The following CFAP47 variants were observed in gnomAD, a reference collection of about 807,000 sequenced individuals.
CFAP47 encodes cilia- and flagella-associated protein 47.
CFAP47 carries 29 observed loss-of-function variants against 148.1 expected under a neutral mutation model. The observed-to-expected ratio is 0.20, with a 90% confidence interval of 0.15 to 0.27. The LOEUF is 0.27. Among genes scored for constraint, CFAP47 ranks in the 10% least tolerant of loss-of-function variants. The pLI, the probability that CFAP47 is intolerant of heterozygous loss-of-function variation, is 1.00. For synonymous variants in CFAP47, 664 were observed against 577.3 expected, an observed-to-expected ratio of 1.15 and a Z score of -2.15; for missense variants, 1,872 against 1,697.5, an observed-to-expected ratio of 1.10 and a Z score of -1.81.
At chrX:36,375,536 C>T (rs1473048390) in intron 62 of CFAP47, among the ~76,000 whole-genome samples, 1 of 111,942 alleles carries the variant, frequency 8.9e-6, no homozygotes, top group Non-Finnish European at 1.9e-5. Flanking sequence ...CTGTTATGTA[C>T]ATTTATCTAA....
At chrX:36,004,767 G>C (rs1936961543) in intron 21 of CFAP47, among the ~76,000 whole-genome samples, 1 of 110,357 alleles carries the variant, frequency 9.1e-6, no homozygotes, top group Non-Finnish European at 1.9e-5. Context: ...AGAAGCTCTT[G>C]GGGTTGATGG....
chrX:36,165,146 T>TAATTTTCTATTGTATGTGTATATTA (rs1939475164), intron 39 of CFAP47, among the ~76,000 whole-genome samples: 1 of 112,166 alleles, frequency 8.9e-6, no homozygotes, highest in Non-Finnish European at 1.9e-5. Flanking sequence ...TTAGTCAGAA[T>TAATTTTCTATTGTATGTGTATATTA]AATTTTCTAT....
intron 26 of CFAP47, among the ~76,000 whole-genome samples, chrX:36,054,204 C>T (rs984167010): frequency 2.4e-4 from 27 of 112,225 alleles, no homozygotes; most frequent in Non-Finnish European, 3.8e-4. Flanking sequence ...TCATCTTCCT[C>T]AGACCCACCC....
At chrX:36,211,397 T>G in intron 45 of CFAP47, 2 of 245,285 alleles carry the variant, frequency 8.2e-6, no homozygotes, top group South Asian at 1.1e-4. Flanking sequence ...TCAATGCACC[T>G]AAGATGCCTC....
At position 35,953,703 on chromosome X, in the gene CFAP47, C is replaced by G; in HGVS notation, c.1158C>G (p.Asp386Glu). 8.4e-7 allele frequency: 1 copy of G among 1,185,639 alleles called. No homozygotes were observed. Among genetic ancestry groups the G allele is most frequent in the South Asian group, 1.9e-5 (1 of 52,343 alleles). The change falls in exon 7 of 64, where the codon GAC becomes GAG. Residue 386 changes from aspartate (D) to glutamate (E), a missense_variant. Transcript: ENST00000378653. ...AAGATGGATTTTTGAGAGATGATGA[C>G]TATAAAACCATCAAAAGTAAGTGTG... The part of the protein sequence containing the change: ...GSKDGFLRDD[D>E]YKTIKSERFQ...
At chrX:35,984,985 C>T (rs1025095727) in intron 15 of CFAP47, among the ~76,000 whole-genome samples, 3 of 111,241 alleles carry the variant, frequency 2.7e-5, no homozygotes, top group Admixed American at 9.5e-5. Context: ...GTTTAGGACC[C>T]GAATATCTTT....
chrX:36,004,983 A>G (rs1438698132), intron 21 of CFAP47, among the ~76,000 whole-genome samples: 2 of 111,053 alleles, frequency 1.8e-5, no homozygotes, highest in Admixed American at 1.9e-4. Flanking sequence ...AAGTTACCTA[A>G]TTTATTGATA....
chrX:35,990,179 T>G (rs1242501331), intron 16 of CFAP47: 3 of 112,090 alleles, frequency 2.7e-5, no homozygotes, highest in Non-Finnish European at 5.6e-5. Context: ...CTGTTTACTC[T>G]TCTGTTAGTT....
At chrX:35,992,566 A>G (rs1180201851) in intron 17 of CFAP47, among the ~76,000 whole-genome samples, 1 of 111,566 alleles carries the variant, frequency 9.0e-6, no homozygotes, top group Non-Finnish European at 1.9e-5. Context: ...CTTCTTTAGA[A>G]TTAATTCTTA....
At chrX:35,962,208 A>C (rs1483065814) in intron 8 of CFAP47, among the ~76,000 whole-genome samples, 1 of 111,917 alleles carries the variant, frequency 8.9e-6, no homozygotes, top group Non-Finnish European at 1.9e-5. Flanking sequence ...CTTTTAAATT[A>C]TTGAGGCTTA....
chrX:36,096,276 C>T lies in CFAP47; in HGVS notation c.4917-2517C>T, dbSNP rs778847262. Among the ~76,000 whole-genome samples, 7 of 111,455 alleles carry T rather than the reference C, an allele frequency of 6.3e-5. No homozygotes were observed. The South Asian group carries it at 2.6e-3, about 41-fold the overall frequency. ...CTTGTTTTGTGACCTAACATGTGGT[C>T]TGTCCTTCAGAATGATCCATGTGCT... On this transcript the variant is annotated intron_variant, in intron 30 of 63. Coordinates refer to ENST00000378653, the MANE Select transcript of CFAP47 (RefSeq NM_001304548.2).
chrX:35,975,742 A>G lies in CFAP47; in HGVS notation c.2542A>G (p.Thr848Ala). 1.7e-6 allele frequency: 2 copies of G among 1,209,435 alleles called. No individual in the cohort carries two copies. Among genetic ancestry groups the G allele is most frequent in the Non-Finnish European group, 2.2e-6 (2 of 893,387 alleles). ...AGTGGTGGCAGTTGTCCAGCCAGTA[A>G]CACTTGAGCTATCTTCTAATGAGCT... is the stretch of plus-strand genomic sequence containing the variant. ...ILVVAVVQPV[T>A]LELSSNELVL... The change falls in exon 15 of 64, where the codon ACA (threonine) becomes GCA (alanine). Residue 848 changes from threonine (T) to alanine (A), a missense_variant. Coordinates refer to ENST00000378653, the MANE Select transcript of CFAP47 (RefSeq NM_001304548.2).
chrX:36,140,868 G>A (rs977254570), intron 35 of CFAP47, among the ~76,000 whole-genome samples: 4 of 111,030 alleles, frequency 3.6e-5, no homozygotes. Flanking sequence ...TCCTTTTCAT[G>A]ACATGATTTT....
At position 36,046,007 on chromosome X, in the gene CFAP47, A is replaced by C. The variant is rs187717889; in HGVS notation, c.4008-847A>C. On this transcript the variant is annotated intron_variant, in intron 25 of 63. Coordinates refer to ENST00000378653, the MANE Select transcript of CFAP47 (RefSeq NM_001304548.2). ...TAAGTAATAACTGAATTATTTTCAA[A>C]CTGGATTTATAAATTACTTTCCATG... Among the ~76,000 whole-genome samples, 1,082 of 111,691 alleles carry C rather than the reference A, an allele frequency of 9.7e-3. 6 individuals carry two copies. The highest frequency in any genetic ancestry group is 0.014 in the Non-Finnish European group (738 of 53,014).
chrX:36,108,515 T>C (rs1216785883), intron 33 of CFAP47, among the ~76,000 whole-genome samples: 1 of 111,951 alleles, frequency 8.9e-6, no homozygotes, highest in Non-Finnish European at 1.9e-5. Context: ...ACCTACTTTT[T>C]TCTAGCTCTT....
At chrX:35,945,846 T>C (rs1390017360) in intron 3 of CFAP47, among the ~76,000 whole-genome samples, 3 of 108,630 alleles carry the variant, frequency 2.8e-5, no homozygotes, top group African/African-American at 1.0e-4. Context: ...TTTTTAACAT[T>C]CTTTTTTCTT....
intron 39 of CFAP47, among the ~76,000 whole-genome samples, chrX:36,172,849 C>A (rs1182302271): frequency 9.0e-6 from 1 of 111,110 alleles, no homozygotes; most frequent in Non-Finnish European, 1.9e-5. Context: ...TTTTTCTGTT[C>A]ATTGGAATAG....
intron 39 of CFAP47, among the ~76,000 whole-genome samples, chrX:36,171,604 C>T (rs1205208759): frequency 1.8e-5 from 2 of 110,641 alleles, no homozygotes; most frequent in African/African-American, 6.6e-5. Flanking sequence ...GATCAGATAG[C>T]TGTAGATATG....
chrX:35,986,328 T>C (rs1233243712), intron 15 of CFAP47, among the ~76,000 whole-genome samples: 2 of 109,576 alleles, frequency 1.8e-5, no homozygotes, highest in African/African-American at 6.6e-5. Flanking sequence ...TTCTCTAATC[T>C]TGTGTTCGTA....
Sources: gnomAD v4.1 joint callset for allele counts (sites outside exome capture counted in the v4.1 genomes callset) on GRCh38, gnomAD v4.1.1 for gene constraint, MANE v1.5 for transcripts, NCBI Gene and HGNC (gene_info 2026-07-23, HGNC 2026-07-21) for gene names.